SF1: variants seen among roughly 807,000 people sequenced by gnomAD.
The protein encoded by SF1 is splicing factor 1.
Under a neutral mutation model 62.5 loss-of-function variants are expected in SF1, and 7 were observed. That is an observed-to-expected ratio of 0.11 (90% CI 0.06 to 0.21). The LOEUF is 0.21. Among genes scored for constraint, SF1 ranks in the 10% least tolerant of loss-of-function variants. The pLI, the probability that SF1 is intolerant of heterozygous loss-of-function variation, is 1.00. For synonymous variants in SF1, 394 were observed against 323.6 expected, an observed-to-expected ratio of 1.22 and a Z score of -2.33; for missense variants, 578 against 884.0, an observed-to-expected ratio of 0.65 and a Z score of 4.39.
In SF1 at chr11:64,768,934, G is replaced by A. The variant is rs892417088; in HGVS notation, c.887+88C>T. 4 of 885,796 alleles carry A rather than the reference G, an allele frequency of 4.5e-6. No homozygotes were observed. In the Admixed American group the frequency reaches 6.8e-5, roughly 15 times the overall value. 54.9% of individuals were successfully genotyped at this position (885,796 alleles called of 1,614,324 possible). On this transcript the variant is annotated intron_variant, in intron 8 of 12. Coordinates refer to ENST00000377390, the MANE Select transcript of SF1 (RefSeq NM_004630.4). Reference sequence around the variant, plus strand: ...ACTAACAGAAAGGATGTTTCTCTTGGTAAGATTAACAGCAACCAATGAATG... The same window carrying A: ...ACTAACAGAAAGGATGTTTCTCTTGATAAGATTAACAGCAACCAATGAATG...
Position 64,764,641 on chromosome 11 carries a change from C to T in SF1, c.*1177G>A, listed in dbSNP as rs1268721954. The stretch of plus-strand genomic sequence containing the variant: ...CACACTGCTCTTTTATTCAATGGAA[C>T]ATCCCCGCTTTAGCGCAGTGTTGAA... On this transcript the variant is annotated 3_prime_UTR_variant, in exon 13 of 13. Transcript: ENST00000377390. 1 of 152,608 alleles carries T rather than the reference C, an allele frequency of 6.6e-6. No individual in the cohort carries two copies. Among genetic ancestry groups the T allele is most frequent in the Non-Finnish European group, 1.5e-5 (1 of 68,062 alleles). The allele number at this position is 152,608 out of a possible 1,614,324, so 9.5% of individuals were successfully genotyped here.
At chr11:64,777,630 C>T (rs1278280769) in intron 1 of SF1, 3 of 985,516 alleles carry the variant, frequency 3.0e-6, no homozygotes, top group Non-Finnish European at 3.6e-6. Flanking sequence ...GCCCTGCTGG[C>T]ATTCACAGCT....
At chr11:64,776,395 C>T (rs902602574) in intron 2 of SF1, 103 bp downstream of exon 2, 2 of 1,311,020 alleles carry the variant, frequency 1.5e-6, no homozygotes, top group Admixed American at 1.8e-5. Flanking sequence ...TATCTCATCT[C>T]AAAAAAGATA....
At chr11:64,772,628 G>A in intron 3 of SF1, 2 of 984,934 alleles carry the variant, frequency 2.0e-6, no homozygotes, top group Non-Finnish European at 2.4e-6. Context: ...TTCAGTGAGA[G>A]GGAGAGACTT....
chr11:64,766,766 CCTTT>C (rs1248323731), intron 12 of SF1, 130 bp downstream of exon 12: 12 of 617,442 alleles, frequency 1.9e-5, no homozygotes, highest in Admixed American at 7.5e-5. Flanking sequence ...ACCAGGAGGC[CCTTT>C]CTGTTTACAA....
At chr11:64,778,222 C>G in intron 1 of SF1, 140 bp downstream of exon 1, 1 of 1,163,028 alleles carries the variant, frequency 8.6e-7, no homozygotes, top group Non-Finnish European at 1.1e-6. Context: ...CGGTCAGGGC[C>G]CCCATCGAGC....
intron 1 of SF1, chr11:64,777,718 G>A (rs750543141): frequency 1.1e-5 from 11 of 985,482 alleles, no homozygotes; most frequent in Admixed American, 1.2e-4. Flanking sequence ...TGGGCCCCCA[G>A]TCTATACAGT....
Position 64,769,324 on chromosome 11 carries a change from C to A in SF1, c.678G>T (p.Leu226=), listed in dbSNP as rs530490514. ...CCTCTGGAGTCTCGATACCCTGCTT[C>A]AGGATGTTTCTTATCTAGTGAAAAT... ...KKAVEQIRNI[L]KQGIETPEDQ... Residue 226 remains leucine, a synonymous_variant, in exon 7 of 13, where the codon CTG becomes CTT. Transcript: ENST00000377390. 2 of 1,614,198 alleles carry A rather than the reference C, an allele frequency of 1.2e-6. No homozygotes were observed. The highest frequency in any genetic ancestry group is 2.2e-5 in the South Asian group (2 of 91,082).
In SF1 at chr11:64,769,793, A is replaced by G. The variant is rs552876411; in HGVS notation, c.479+171T>C. The G allele has an allele frequency of 1.1e-5, 8 of 721,918 alleles. No individual in the cohort carries two copies. The East Asian group carries it at 2.1e-4, about 19-fold the overall frequency. 44.7% of individuals were successfully genotyped at this position (721,918 alleles called of 1,614,324 possible). A position where few individuals can be genotyped will look rare whatever the true frequency, so the allele number is the denominator to read the frequency against. On this transcript the variant is annotated intron_variant, in intron 5 of 12. Transcript: ENST00000377390. ...AAACCTGAGGATTTGACTTCTCCGC[A>G]CTAGTGGGGAAGTTAAGACACCTTC...
chr11:64,773,629 G>C, intron 2 of SF1, 124 bp from the exon 3 acceptor site: 2 of 1,121,604 alleles, frequency 1.8e-6, no homozygotes, highest in Non-Finnish European at 2.5e-6. Flanking sequence ...CGACTGATCA[G>C]TGAACACATT....
rs768932663 is a variant in SF1 at position 64,767,656 on chromosome 11, T to A, written c.1257A>T (p.Gly419=). The A allele has an allele frequency of 6.2e-7, 1 of 1,600,190 alleles. No individual in the cohort carries two copies. ...GGHPMQHNPN[G]PPPPWMQPPP... ...GTGGCTGCATCCAAGGGGGTGGGGG[T>A]CCATTGGGGTTGTGCTGCATGGGAT... The change falls in exon 10 of 13, where the codon GGA becomes GGT. Residue 419 remains glycine, a synonymous_variant. Transcript: ENST00000377390.
At chr11:64,775,218 T>G (rs1938996809) in intron 2 of SF1, among the ~76,000 whole-genome samples, 2 of 152,146 alleles carry the variant, frequency 1.3e-5, no homozygotes, top group African/African-American at 4.8e-5. Context: ...TGTGGAGAAC[T>G]ACACCTCTCC....
Position 64,767,183 on chromosome 11 carries a change from A to G in SF1, c.1402+9T>C. 6.2e-7 allele frequency: 1 copy of G among 1,614,034 alleles called. No homozygotes were observed. The highest frequency in any genetic ancestry group is 8.5e-7 in the Non-Finnish European group (1 of 1,179,934). ...AGGTGAAGACCCACAGCCAGCAGACAGCCATTACCTTTTCCTTGATGCAGG... is the reference window on the plus strand; with the variant it reads ...AGGTGAAGACCCACAGCCAGCAGACGGCCATTACCTTTTCCTTGATGCAGG... On this transcript the variant is annotated intron_variant, in intron 11 of 12. Coordinates refer to ENST00000377390, the MANE Select transcript of SF1 (RefSeq NM_004630.4).
At chr11:64,777,738 C>G in intron 1 of SF1, 2 of 985,688 alleles carry the variant, frequency 2.0e-6, no homozygotes, top group Non-Finnish European at 2.4e-6. Flanking sequence ...TTGCGCCGCA[C>G]AGCCCGGCCA....
rs889586079 is a variant in SF1 at position 64,764,676 on chromosome 11, G to A, written c.*1142C>T. The A allele has an allele frequency of 2.0e-5, 3 of 152,582 alleles. No homozygotes were observed. Among genetic ancestry groups the A allele is most frequent in the Non-Finnish European group, 4.4e-5 (3 of 68,072 alleles). 9.5% of individuals were successfully genotyped at this position (152,582 alleles called of 1,614,324 possible). ...TTAGCGCAGTGTTGAATCTAACACC[G>A]AAAAAAGCCCAGAGAAATTTCTGCA... On this transcript the variant is annotated 3_prime_UTR_variant, in exon 13 of 13. Transcript: ENST00000377390.
At chr11:64,767,475 C>A in intron 10 of SF1, 96 bp downstream of exon 10, 1 of 1,316,226 alleles carries the variant, frequency 7.6e-7, no homozygotes. Flanking sequence ...AGCACATTGC[C>A]CAGCCACTTG....
intron 4 of SF1, 91 bp downstream of exon 4, chr11:64,770,165 G>A: frequency 6.4e-7 from 1 of 1,557,114 alleles, no homozygotes; most frequent in Non-Finnish European, 8.8e-7. Context: ...CTTGAGGCAA[G>A]AGGTGAGTAG....
At chr11:64,766,423 G>C in intron 12 of SF1, 1 of 525,544 alleles carries the variant, frequency 1.9e-6, no homozygotes. Flanking sequence ...CCAGACACAA[G>C]AACAGCTCTG....
intron 8 of SF1, 51 bp downstream of exon 8, chr11:64,768,971 T>C (rs534741364): frequency 4.9e-5 from 60 of 1,214,850 alleles, no homozygotes; most frequent in Non-Finnish European, 7.0e-5. Flanking sequence ...GCCAGAAAAG[T>C]TGTCCTGCAC....
Sources: allele counts gnomAD v4.1 joint callset (sites outside exome capture counted in the v4.1 genomes callset), GRCh38; gene constraint gnomAD v4.1.1; transcripts MANE v1.5; gene names NCBI Gene and HGNC (gene_info 2026-07-23, HGNC 2026-07-21).